The following MBD2 variants were observed in gnomAD, a reference collection of about 807,000 sequenced individuals.
MBD2 encodes the protein methyl-CpG binding domain protein 2, also known as methyl-CpG-binding domain protein 2.
In MBD2, 9 loss-of-function variants were observed where a neutral mutation model predicts 39.3. The ratio of observed to expected loss-of-function variants is 0.23; its 90% confidence interval spans 0.14 to 0.40. MBD2 has a LOEUF of 0.40. Among genes scored for constraint, MBD2 ranks in the 10% least tolerant of loss-of-function variants. MBD2 has a pLI of 1.00. For synonymous variants in MBD2, 233 were observed against 211.1 expected (o/e 1.10, Z -0.90); for missense variants, 458 against 532.6 (o/e 0.86, Z 1.38).
intron 1 of MBD2, among the ~76,000 whole-genome samples, chr18:54,208,964 C>T (rs186429301): frequency 3.3e-5 from 5 of 152,184 alleles, no homozygotes; most frequent in African/African-American, 4.8e-5. Flanking sequence ...CAGTTTAACA[C>T]GGCTTCATAT....
chr18:54,172,943 T>C (rs1393257473), intron 3 of MBD2, among the ~76,000 whole-genome samples: 1 of 152,238 alleles, frequency 6.6e-6, no homozygotes, highest in Non-Finnish European at 1.5e-5. Context: ...ACACAGCAAC[T>C]ATCATTTTAC....
Position 54,153,471 on chromosome 18 carries a change from A to G in MBD2, c.*1853T>C, listed in dbSNP as rs1187601446. On this transcript the variant is annotated 3_prime_UTR_variant, in exon 7 of 7. Transcript: ENST00000256429. ...AAAGTATATAAGCAAAAAAAAAAAA[A>G]TCAGTTTTATATGTGTATACATTGT... 2.6e-5 allele frequency: 4 copies of G among 152,086 alleles called. No homozygotes were observed. The highest frequency in any genetic ancestry group is 7.2e-5 in the African/African-American group (3 of 41,382). The allele number at this position is 152,086 out of a possible 1,614,324, so 9.4% of individuals were successfully genotyped here. A position where few individuals can be genotyped will look rare whatever the true frequency, so the allele number is the denominator to read the frequency against.
At chr18:54,181,583 T>G (rs1008828970) in intron 3 of MBD2, among the ~76,000 whole-genome samples, 1 of 152,128 alleles carries the variant, frequency 6.6e-6, no homozygotes, top group African/African-American at 2.4e-5. Flanking sequence ...CACTACAACC[T>G]CCACCTCCCA....
At chr18:54,212,653 T>A (rs2144343807) in intron 1 of MBD2, among the ~76,000 whole-genome samples, 1 of 150,978 alleles carries the variant, frequency 6.6e-6, no homozygotes, top group South Asian at 2.1e-4. Flanking sequence ...AAACATTAAG[T>A]ATGCTAGCTG....
chr18:54,211,861 C>CTT (rs543540671), intron 1 of MBD2, among the ~76,000 whole-genome samples: 20 of 146,148 alleles, frequency 1.4e-4, no homozygotes, highest in African/African-American at 3.7e-4. Flanking sequence ...CTATGGCCTC[C>CTT]TTTTTTTTTT....
chr18:54,198,163 G>T (rs1249377185), intron 2 of MBD2, among the ~76,000 whole-genome samples: 1 of 152,186 alleles, frequency 6.6e-6, no homozygotes, highest in Non-Finnish European at 1.5e-5. Flanking sequence ...CATCAGAATG[G>T]TCCTACCACA....
intron 1 of MBD2, among the ~76,000 whole-genome samples, chr18:54,206,312 T>A (rs1452733769): frequency 6.6e-6 from 1 of 152,212 alleles, no homozygotes; most frequent in Non-Finnish European, 1.5e-5. Context: ...TGTAAGAAAG[T>A]TTTTATAGGA....
chr18:54,194,286 A>T (rs528761290), intron 2 of MBD2, among the ~76,000 whole-genome samples: 1 of 152,072 alleles, frequency 6.6e-6, no homozygotes, highest in Non-Finnish European at 1.5e-5. Context: ...TACCTACATT[A>T]CCTATTTATA....
intron 3 of MBD2, among the ~76,000 whole-genome samples, chr18:54,173,965 A>G (rs2086194432): frequency 6.6e-6 from 1 of 152,210 alleles, no homozygotes; most frequent in Non-Finnish European, 1.5e-5. Flanking sequence ...AAACCTCAAA[A>G]GAGCTGTGAG....
intron 3 of MBD2, 56 bp from the exon 4 acceptor site, chr18:54,166,222 C>T: frequency 2.0e-6 from 2 of 987,056 alleles, no homozygotes; most frequent in East Asian, 2.4e-5. Flanking sequence ...GAAAGTAGCG[C>T]ATCGATGCTG....
intron 2 of MBD2, among the ~76,000 whole-genome samples, chr18:54,195,699 CAT>C (rs2086360129): frequency 2.0e-5 from 3 of 151,568 alleles, no homozygotes; most frequent in Admixed American, 2.0e-4. Flanking sequence ...CTGGACCATC[CAT>C]ATATAGTCAT....
chr18:54,178,295 C>T (rs1033665415), intron 3 of MBD2, among the ~76,000 whole-genome samples: 7 of 151,952 alleles, frequency 4.6e-5, no homozygotes, highest in African/African-American at 1.7e-4. Flanking sequence ...GACCACAGAA[C>T]AAAAACAGAA....
chr18:54,177,827 C>CT (rs34113185), intron 3 of MBD2, among the ~76,000 whole-genome samples: 52,090 of 87,532 alleles, frequency 0.6, 17,993 homozygotes, highest in East Asian at 0.89. Context: ...TTTTTCCTCT[C>CT]TTTTTTTTTT....
intron 2 of MBD2, among the ~76,000 whole-genome samples, chr18:54,196,795 G>A (rs1226344862): frequency 6.6e-6 from 1 of 152,180 alleles, no homozygotes; most frequent in African/African-American, 2.4e-5. Context: ...CACATTTGAA[G>A]CACTAGTTTA....
intron 2 of MBD2, among the ~76,000 whole-genome samples, chr18:54,201,712 A>G (rs1187125110): frequency 1.3e-5 from 2 of 151,920 alleles, no homozygotes; most frequent in Non-Finnish European, 2.9e-5. Context: ...AATACAAAGA[A>G]ATTAGCCGGG....
chr18:54,185,551 TGG>T (rs1474486860), intron 3 of MBD2, among the ~76,000 whole-genome samples: 4 of 152,024 alleles, frequency 2.6e-5, no homozygotes, highest in Non-Finnish European at 4.4e-5. Flanking sequence ...GAAATAGAAA[TGG>T]TAGTTCTTCA....
intron 5 of MBD2, among the ~76,000 whole-genome samples, chr18:54,163,142 C>T (rs2086108603): frequency 6.6e-6 from 1 of 151,992 alleles, no homozygotes; most frequent in Non-Finnish European, 1.5e-5. Context: ...TATAGTGGCG[C>T]TCGCCTGTAG....
At chr18:54,212,633 T>C (rs925484880) in intron 1 of MBD2, among the ~76,000 whole-genome samples, 57 of 151,858 alleles carry the variant, frequency 3.8e-4, no homozygotes, top group African/African-American at 1.3e-3. Context: ...AAAATTTCTC[T>C]ATTTTGTTTA....
chr18:54,209,297 CAA>C lies in MBD2; in HGVS notation c.543-4142_543-4141del, dbSNP rs34165824. On this transcript the variant is annotated intron_variant, in intron 1 of 6. Transcript: ENST00000256429. ...GGGCAACAGAGTGAGACTCCATCTC[CAA>C]AAAAAAAAAAAAAAAAAAAAAGGAA... Among the ~76,000 whole-genome samples, 11 of 67,602 alleles carry C rather than the reference CAA, an allele frequency of 1.6e-4. No homozygotes were observed. In the East Asian group the frequency reaches 2.5e-3, roughly 15 times the overall value. 44.3% of individuals were successfully genotyped at this position (67,602 alleles called of 152,430 possible). A position where few individuals can be genotyped will look rare whatever the true frequency, so the allele number is the denominator to read the frequency against.
Sources: gnomAD v4.1 joint callset for allele counts (sites outside exome capture counted in the v4.1 genomes callset) on GRCh38, gnomAD v4.1.1 for gene constraint, MANE v1.5 for transcripts, NCBI Gene and HGNC (gene_info 2026-07-23, HGNC 2026-07-21) for gene names.